The following ERC1 variants were observed in gnomAD, a reference collection of about 807,000 sequenced individuals.
The protein encoded by ERC1 is RAB6 interacting protein 2.
Under a neutral mutation model 132.0 loss-of-function variants are expected in ERC1, and 56 were observed. The ratio of observed to expected loss-of-function variants is 0.42; its 90% confidence interval spans 0.34 to 0.53. The LOEUF is 0.53. Among genes scored for constraint, ERC1 ranks in the 20% least tolerant of loss-of-function variants. The probability of loss-of-function intolerance (pLI) is 0.03; values close to 1 mark genes in which losing one functional copy is unlikely to be tolerated. For synonymous variants in ERC1, 478 were observed against 476.1 expected, an observed-to-expected ratio of 1.00 and a Z score of -0.05; for missense variants, 1,202 against 1,349.9, an observed-to-expected ratio of 0.89 and a Z score of 1.72.
At chr12:1,108,233 T>C (rs941732179) in intron 4 of ERC1, among the ~76,000 whole-genome samples, 10 of 152,096 alleles carry the variant, frequency 6.6e-5, no homozygotes, top group African/African-American at 1.9e-4. Flanking sequence ...GGCTCATGAT[T>C]TGGTAGTGAG....
At chr12:1,101,226 G>A (rs993381311) in intron 3 of ERC1, among the ~76,000 whole-genome samples, 1 of 152,232 alleles carries the variant, frequency 6.6e-6, no homozygotes, top group South Asian at 2.1e-4. Flanking sequence ...TTAGTTCCTG[G>A]AGTGCATAAA....
chr12:1,217,721 GT>G (rs1462992790), intron 12 of ERC1, among the ~76,000 whole-genome samples: 1 of 151,710 alleles, frequency 6.6e-6, no homozygotes, highest in Non-Finnish European at 1.5e-5. Flanking sequence ...ACTTTTTTTT[GT>G]TTGTTTTGAA....
chr12:1,222,329 A>G (rs1293632153), intron 12 of ERC1, among the ~76,000 whole-genome samples: 1 of 151,662 alleles, frequency 6.6e-6, no homozygotes, highest in Non-Finnish European at 1.5e-5. Context: ...TCCTGGGTTC[A>G]AGCAATTCTT....
chr12:1,155,869 A>G (rs1312921800), intron 8 of ERC1, among the ~76,000 whole-genome samples: 2 of 151,894 alleles, frequency 1.3e-5, no homozygotes, highest in African/African-American at 2.4e-5. Context: ...AAGGTAAAAA[A>G]AAAATAAATA....
rs1594051023 is a variant in ERC1 at position 1,184,628 on chromosome 12, G to A, written c.2157+1207G>A. ...TGGAGTCATTTTTGACCTATTTATAGCTTAAGAATGTATATCCTGTATCTG... is the reference window on the plus strand; with the variant it reads ...TGGAGTCATTTTTGACCTATTTATAACTTAAGAATGTATATCCTGTATCTG... On this transcript the variant is annotated intron_variant, in intron 11 of 18. Transcript: ENST00000360905. 2.0e-5 allele frequency among the ~76,000 whole-genome samples: 3 copies of A among 152,334 alleles called. No individual in the cohort carries two copies. The South Asian group carries it at 6.2e-4, about 32-fold the overall frequency.
intron 7 of ERC1, among the ~76,000 whole-genome samples, chr12:1,126,969 A>T: frequency 7.3e-6 from 1 of 136,508 alleles, no homozygotes; most frequent in Non-Finnish European, 1.5e-5. Context: ...GCCTGGCGAC[A>T]GAGTGAGATT....
intron 8 of ERC1, among the ~76,000 whole-genome samples, chr12:1,168,571 G>A (rs889984133): frequency 1.2e-4 from 17 of 142,264 alleles, no homozygotes; most frequent in Admixed American, 3.8e-4. Context: ...TGCAACCATC[G>A]CCTCCCAGGT....
intron 1 of ERC1, among the ~76,000 whole-genome samples, chr12:1,004,217 T>C (rs985147783): frequency 6.6e-6 from 1 of 152,100 alleles, no homozygotes; most frequent in African/African-American, 2.4e-5. Flanking sequence ...ACATGTCCTT[T>C]ATTAGATTAA....
At chr12:1,033,090 G>A (rs966511770) in intron 2 of ERC1, among the ~76,000 whole-genome samples, 1 of 151,298 alleles carries the variant, frequency 6.6e-6, no homozygotes, top group Non-Finnish European at 1.5e-5. Flanking sequence ...AGGCTGGAGT[G>A]TGGTGGCGTG....
At chr12:1,441,150 T>G (rs917189066) in intron 17 of ERC1, among the ~76,000 whole-genome samples, 4 of 151,938 alleles carry the variant, frequency 2.6e-5, no homozygotes, top group African/African-American at 9.7e-5. Context: ...CCTCCCCTTT[T>G]CAGGTTCAAG....
At chr12:1,418,558 GTCT>G (rs1272402014) in intron 17 of ERC1, among the ~76,000 whole-genome samples, 1 of 150,514 alleles carries the variant, frequency 6.6e-6, no homozygotes, top group Admixed American at 6.6e-5. Flanking sequence ...CTTTTCTGAA[GTCT>G]TCATTTTCTT....
intron 12 of ERC1, among the ~76,000 whole-genome samples, chr12:1,222,932 A>AT (rs1398859347): frequency 6.6e-6 from 1 of 152,162 alleles, no homozygotes; most frequent in Non-Finnish European, 1.5e-5. Flanking sequence ...GAAGATATTT[A>AT]TTTTTTAGTA....
Position 1,494,897 on chromosome 12 carries a change from C to G in ERC1, c.*4667C>G, listed in dbSNP as rs2094346505. On this transcript the variant is annotated 3_prime_UTR_variant, in exon 19 of 19. Coordinates refer to ENST00000360905, the MANE Select transcript of ERC1 (RefSeq NM_178040.4). Reference sequence around the variant, plus strand: ...TGGGGCAGCCACACTCCCCTCCTCCCAGGCTGGCATAGGTGGCCCTGGGCT... The same window carrying G: ...TGGGGCAGCCACACTCCCCTCCTCCGAGGCTGGCATAGGTGGCCCTGGGCT... 1 of 231,064 alleles carries G rather than the reference C, an allele frequency of 4.3e-6. No homozygotes were observed. The highest frequency in any genetic ancestry group is 5.7e-5 in the Admixed American group (1 of 17,692). The allele number at this position is 231,064 out of a possible 1,614,324, so 14.3% of individuals were successfully genotyped here. A position where few individuals can be genotyped will look rare whatever the true frequency, so the allele number is the denominator to read the frequency against.
At chr12:1,325,555 A>G (rs949010781) in intron 15 of ERC1, among the ~76,000 whole-genome samples, 5 of 152,178 alleles carry the variant, frequency 3.3e-5, no homozygotes, top group Admixed American at 6.5e-5. Context: ...TATAAATTTA[A>G]TATTAGAAGG....
chr12:1,464,542 C>G (rs958722398), intron 18 of ERC1, among the ~76,000 whole-genome samples: 8 of 89,316 alleles, frequency 9.0e-5, no homozygotes, highest in Non-Finnish European at 1.2e-4. Flanking sequence ...TTTTTTGAGA[C>G]AGAGTTTCGC....
intron 15 of ERC1, among the ~76,000 whole-genome samples, chr12:1,313,890 A>G (rs998148285): frequency 1.3e-5 from 2 of 152,140 alleles, no homozygotes; most frequent in African/African-American, 2.4e-5. Context: ...AGGCTGAGGC[A>G]GGAGAATTGC....
intron 15 of ERC1, among the ~76,000 whole-genome samples, chr12:1,359,822 C>T (rs2085908600): frequency 6.6e-6 from 1 of 152,156 alleles, no homozygotes; most frequent in Non-Finnish European, 1.5e-5. Context: ...ATTGAAAGGA[C>T]TATTGGTCTG....
intron 17 of ERC1, chr12:1,443,829 A>G (rs994612246): frequency 2.0e-5 from 3 of 152,264 alleles, no homozygotes; most frequent in African/African-American, 7.2e-5. Context: ...GGGGAAAGGA[A>G]TGAGAAAAGA....
At chr12:1,307,195 C>A (rs2080946755) in intron 15 of ERC1, among the ~76,000 whole-genome samples, 1 of 152,106 alleles carries the variant, frequency 6.6e-6, no homozygotes, top group South Asian at 2.1e-4. Flanking sequence ...CTAATCAGGT[C>A]ATTTAATTTT....
Sources: gnomAD v4.1 joint callset for allele counts (sites outside exome capture counted in the v4.1 genomes callset) on GRCh38, gnomAD v4.1.1 for gene constraint, MANE v1.5 for transcripts, NCBI Gene and HGNC (gene_info 2026-07-23, HGNC 2026-07-21) for gene names.